Variants in RALGAPA2 observed in about 807,000 individuals in gnomAD.
RALGAPA2 encodes ral GTPase-activating protein subunit alpha-2.
RALGAPA2 carries 139 observed loss-of-function variants against 230.4 expected under a neutral mutation model. The ratio of observed to expected loss-of-function variants is 0.60; its 90% CI spans 0.53 to 0.69. The LOEUF is 0.69. Among genes scored for constraint, RALGAPA2 ranks in the 30% least tolerant of loss-of-function variants. The pLI is 0.00. For synonymous variants in RALGAPA2, 847 were observed against 837.8 expected (o/e 1.01, Z -0.19); for missense variants, 2,163 against 2,276.0 (o/e 0.95, Z 1.01).
At chr20:20,646,594 A>G (rs3920531) in intron 4 of RALGAPA2, among the ~76,000 whole-genome samples, 15 of 152,166 alleles carry the variant, frequency 9.9e-5, no homozygotes, top group Admixed American at 9.8e-4. Flanking sequence ...CTTTTACTAC[A>G]TTTTAACCAT....
rs114590934 is a variant in RALGAPA2, at chr20:20,465,716, C to T, written c.5495+7113G>A. Among the ~76,000 whole-genome samples the T allele has an allele frequency of 1.1e-3, 161 of 152,320 alleles. 1 individual carries two copies. Among genetic ancestry groups the T allele is most frequent in the African/African-American group, 3.7e-3 (154 of 41,562 alleles). On this transcript the variant is annotated intron_variant, in intron 37 of 39. Transcript: ENST00000202677. ...TCTCGAGATTTCTCCTGCACCTTCG[C>T]ACTTCTCACGGGCCTCATTTCCATG...
chr20:20,620,424 T>G, intron 11 of RALGAPA2, 39 bp downstream of exon 11: 1 of 1,595,990 alleles, frequency 6.3e-7, no homozygotes, highest in Non-Finnish European at 8.6e-7. Flanking sequence ...TACTAAAATA[T>G]ATTTACCCTC....
chr20:20,490,871 C>CACACACAT, intron 36 of RALGAPA2, among the ~76,000 whole-genome samples: 1 of 150,922 alleles, frequency 6.6e-6, no homozygotes, highest in Non-Finnish European at 1.5e-5. Flanking sequence ...AACACACACA[C>CACACACAT]ACACACACAC....
At chr20:20,442,868 T>A (rs975517788) in intron 37 of RALGAPA2, among the ~76,000 whole-genome samples, 1 of 152,226 alleles carries the variant, frequency 6.6e-6, no homozygotes, top group Admixed American at 6.5e-5. Context: ...TCTCTAGAAA[T>A]CTATGCACGA....
At chr20:20,599,678 C>T (rs2065572531) in intron 16 of RALGAPA2, among the ~76,000 whole-genome samples, 1 of 152,278 alleles carries the variant, frequency 6.6e-6, no homozygotes, top group East Asian at 1.9e-4. Context: ...TTTCTCCTAC[C>T]CTTTGCCTAT....
chr20:20,624,020 G>T (rs1170345896), intron 10 of RALGAPA2, among the ~76,000 whole-genome samples: 2 of 152,074 alleles, frequency 1.3e-5, no homozygotes, highest in African/African-American at 4.8e-5. Flanking sequence ...CAGCTAAGCT[G>T]CTCTTTACAC....
At chr20:20,529,643 G>A (rs1440187816) in intron 27 of RALGAPA2, among the ~76,000 whole-genome samples, 1 of 152,110 alleles carries the variant, frequency 6.6e-6, no homozygotes, top group Non-Finnish European at 1.5e-5. Context: ...TGAATATTCA[G>A]TTCCTACAGT....
chr20:20,524,337 G>T (rs2089722826), intron 30 of RALGAPA2, 69 bp downstream of exon 30: 6 of 1,567,660 alleles, frequency 3.8e-6, no homozygotes, highest in East Asian at 4.5e-5. Flanking sequence ...ACATGCATAA[G>T]ACATATTTTG....
At chr20:20,593,612 G>A (rs1211113938) in intron 16 of RALGAPA2, among the ~76,000 whole-genome samples, 1 of 152,216 alleles carries the variant, frequency 6.6e-6, no homozygotes, top group Non-Finnish European at 1.5e-5. Context: ...AGAAGGGGGA[G>A]CCCAAGAGCT....
rs2065082741 is a variant in RALGAPA2 at position 20,584,755 on chromosome 20, TGGGCGAAA to T, written c.2530+102_2530+109del. Reference sequence around the variant, plus strand: ...ATGATTGTGCCAGAGCACTCCAGCCTGGGCGAAAGAGTGAGACTGAGTCTCTAATAATA... The same window carrying T: ...ATGATTGTGCCAGAGCACTCCAGCCTGAGTGAGACTGAGTCTCTAATAATA... On this transcript the variant is annotated intron_variant, in intron 19 of 39. Coordinates refer to ENST00000202677, the MANE Select transcript of RALGAPA2 (RefSeq NM_020343.4). 3.5e-6 allele frequency: 3 copies of T among 863,650 alleles called. No homozygotes were observed. The African/African-American group carries it at 5.1e-5, about 15-fold the overall frequency. The allele number at this position is 863,650 out of a possible 1,614,324, so 53.5% of individuals were successfully genotyped here. A position where few individuals can be genotyped will look rare whatever the true frequency, so the allele number is the denominator to read the frequency against.
At chr20:20,667,026 CTA>C (rs1481571191) in intron 3 of RALGAPA2, among the ~76,000 whole-genome samples, 1 of 152,096 alleles carries the variant, frequency 6.6e-6, no homozygotes, top group East Asian at 1.9e-4. Context: ...AGGCAATTCA[CTA>C]TTAGTATCTG....
At chr20:20,430,332 G>A (rs1176498873) in intron 37 of RALGAPA2, among the ~76,000 whole-genome samples, 4 of 152,204 alleles carry the variant, frequency 2.6e-5, no homozygotes, top group Admixed American at 1.3e-4. Flanking sequence ...ACTGACTACC[G>A]TGGCCAGGCA....
intron 19 of RALGAPA2, among the ~76,000 whole-genome samples, chr20:20,583,791 T>C (rs2065055507): frequency 6.6e-6 from 1 of 152,226 alleles, no homozygotes; most frequent in Non-Finnish European, 1.5e-5. Flanking sequence ...ATAATAAGGC[T>C]AGGCCACAAA....
intron 20 of RALGAPA2, among the ~76,000 whole-genome samples, chr20:20,577,991 C>T (rs6035652): frequency 0.057 from 8,619 of 152,070 alleles, 377 homozygotes; most frequent in African/African-American, 0.12. Context: ...AACCTGCCAA[C>T]GAATATGCCC....
At chr20:20,445,807 TAAA>T (rs2060847908) in intron 37 of RALGAPA2, among the ~76,000 whole-genome samples, 1 of 152,190 alleles carries the variant, frequency 6.6e-6, no homozygotes, top group South Asian at 2.1e-4. Context: ...AGTATAATCT[TAAA>T]AAGAAAAACT....
intron 20 of RALGAPA2, among the ~76,000 whole-genome samples, chr20:20,576,880 T>C (rs1438930740): frequency 6.6e-6 from 1 of 152,154 alleles, no homozygotes; most frequent in Non-Finnish European, 1.5e-5. Context: ...TGCCTGTTTG[T>C]CTATTTTTAT....
chr20:20,508,235 T>C (rs2062593884), intron 33 of RALGAPA2, among the ~76,000 whole-genome samples: 2 of 152,238 alleles, frequency 1.3e-5, no homozygotes, highest in South Asian at 4.1e-4. Flanking sequence ...AAGCTGTGTC[T>C]GGCCTTATTA....
chr20:20,668,717 G>T (rs1433886230), intron 3 of RALGAPA2, among the ~76,000 whole-genome samples: 1 of 152,192 alleles, frequency 6.6e-6, no homozygotes, highest in East Asian at 1.9e-4. Flanking sequence ...GGAGAAATTG[G>T]TGGGTCTAAA....
chr20:20,540,988 GAAT>G (rs1350976444), intron 24 of RALGAPA2, among the ~76,000 whole-genome samples: 3 of 151,060 alleles, frequency 2.0e-5, no homozygotes, highest in African/African-American at 7.3e-5. Flanking sequence ...AGAGGGAATG[GAAT>G]AATAAATGGG....
Sources: gnomAD v4.1 joint callset for allele counts (sites outside exome capture counted in the v4.1 genomes callset) on GRCh38, gnomAD v4.1.1 for gene constraint, MANE v1.5 for transcripts, NCBI Gene and HGNC (gene_info 2026-07-23, HGNC 2026-07-21) for gene names.